Variants in WWOX observed in about 807,000 individuals in gnomAD.
WWOX encodes WW domain containing oxidoreductase.
In WWOX, 69 loss-of-function variants were observed where a neutral mutation model predicts 46.2. That is an observed-to-expected ratio of 1.49 (90% CI 1.23 to 1.82). The LOEUF (loss-of-function observed/expected upper bound fraction) is 1.82. Among genes scored for constraint, WWOX ranks in the 40% most tolerant of loss-of-function variants. The pLI is 0.00. For missense variants in WWOX, 919 were observed against 542.6 expected (o/e 1.69, Z -6.89); for synonymous variants, 359 against 202.6 (o/e 1.77, Z -6.56).
intron 8 of WWOX, among the ~76,000 whole-genome samples, chr16:79,195,221 T>C (rs1386175831): frequency 6.6e-6 from 1 of 152,040 alleles, no homozygotes; most frequent in African/African-American, 2.4e-5. Context: ...GAGATTGGCA[T>C]GTAGGAAGAT....
chr16:78,777,807 G>A (rs1466829877), intron 8 of WWOX, among the ~76,000 whole-genome samples: 1 of 152,058 alleles, frequency 6.6e-6, no homozygotes, highest in African/African-American at 2.4e-5. Context: ...AGCACTTTGG[G>A]AGGCCGGGGC....
At chr16:78,158,076 T>C (rs1447529099) in intron 4 of WWOX, among the ~76,000 whole-genome samples, 1 of 152,218 alleles carries the variant, frequency 6.6e-6, no homozygotes. Flanking sequence ...GCAACACAAG[T>C]GTGTCCAACT....
chr16:78,499,795 G>A (rs377519455), intron 8 of WWOX, among the ~76,000 whole-genome samples: 1 of 152,244 alleles, frequency 6.6e-6, no homozygotes, highest in South Asian at 2.1e-4. Flanking sequence ...GTAAGAAATC[G>A]AGGCCAAGGC....
At chr16:78,201,559 G>C (rs2036230048) in intron 5 of WWOX, among the ~76,000 whole-genome samples, 3 of 152,116 alleles carry the variant, frequency 2.0e-5, no homozygotes, top group African/African-American at 4.8e-5. Context: ...CTGGAAGAGA[G>C]TCCTACCTCA....
At chr16:78,897,082 G>GA (rs200661293) in intron 8 of WWOX, 47,268 of 138,684 alleles carry the variant, frequency 0.34, 7,946 homozygotes, top group African/African-American at 0.38. Context: ...ACAAAAAAAA[G>GA]AAAAAAAAAA....
chr16:78,802,152 G>A (rs1329558312), intron 8 of WWOX, among the ~76,000 whole-genome samples: 2 of 149,554 alleles, frequency 1.3e-5, no homozygotes, highest in Non-Finnish European at 3.0e-5. Context: ...GAAATATCCA[G>A]ATATATACAA....
intron 1 of WWOX, chr16:78,100,299 C>A: frequency 9.7e-7 from 1 of 1,035,434 alleles, no homozygotes; most frequent in Non-Finnish European, 1.2e-6. Context: ...GTCATCCAGG[C>A]TGGAGTGCAG....
rs867025328 is a variant in WWOX at position 79,032,646 on chromosome 16, C to T, written c.1057-178962C>T. Reference sequence around the variant, plus strand: ...AATTCATATAATATATGTAATAGAGCGTGTATATTATTTACATATGTATAT... The same window carrying T: ...AATTCATATAATATATGTAATAGAGTGTGTATATTATTTACATATGTATAT... On this transcript the variant is annotated intron_variant, in intron 8 of 8. Coordinates refer to ENST00000566780, the MANE Select transcript of WWOX (RefSeq NM_016373.4). Among the ~76,000 whole-genome samples, 11 of 142,014 alleles carry T rather than the reference C, an allele frequency of 7.7e-5. No individual in the cohort carries two copies. The South Asian group carries it at 8.8e-4, about 11-fold the overall frequency. The allele number at this position is 142,014 out of a possible 152,430, so 93.2% of individuals were successfully genotyped here. A position where few individuals can be genotyped will look rare whatever the true frequency, so the allele number is the denominator to read the frequency against.
At chr16:78,189,590 A>C (rs1469945914) in intron 5 of WWOX, among the ~76,000 whole-genome samples, 2 of 152,190 alleles carry the variant, frequency 1.3e-5, no homozygotes, top group Non-Finnish European at 2.9e-5. Context: ...TCAAGTAGTT[A>C]ACAGCCAGTG....
intron 5 of WWOX, among the ~76,000 whole-genome samples, chr16:78,321,003 A>C (rs943940462): frequency 2.0e-5 from 3 of 152,130 alleles, no homozygotes; most frequent in African/African-American, 7.2e-5. Flanking sequence ...TTCTATTTAT[A>C]ATGTACTCAC....
At chr16:78,361,986 A>ATTTTTTTTTTTTTTT (rs1567525098) in intron 5 of WWOX, among the ~76,000 whole-genome samples, 1 of 63,828 alleles carries the variant, frequency 1.6e-5, no homozygotes. Context: ...TTTTTTTTTG[A>ATTTTTTTTTTTTTTT]TTTATTAATA....
At chr16:78,980,969 A>G (rs1378109011) in intron 8 of WWOX, among the ~76,000 whole-genome samples, 1 of 152,178 alleles carries the variant, frequency 6.6e-6, no homozygotes, top group Non-Finnish European at 1.5e-5. Context: ...GGTTGGCCCC[A>G]CAGTTTAGTT....
chr16:78,949,365 G>A (rs1033355448), intron 8 of WWOX, among the ~76,000 whole-genome samples: 1 of 152,140 alleles, frequency 6.6e-6, no homozygotes, highest in African/African-American at 2.4e-5. Context: ...CTGATACACT[G>A]TCATGGGGCC....
chr16:78,247,226 C>T (rs1050794144), intron 5 of WWOX, among the ~76,000 whole-genome samples: 1 of 151,918 alleles, frequency 6.6e-6, no homozygotes, highest in African/African-American at 2.4e-5. Context: ...CCCCTGCCAG[C>T]AGGAGGAATC....
intron 8 of WWOX, among the ~76,000 whole-genome samples, chr16:78,928,857 A>C (rs1481428897): frequency 1.3e-5 from 2 of 152,198 alleles, no homozygotes; most frequent in Non-Finnish European, 2.9e-5. Flanking sequence ...GAGAATTATA[A>C]TGTGTTTTGA....
chr16:78,820,875 C>T (rs1056183982), intron 8 of WWOX, among the ~76,000 whole-genome samples: 1 of 152,126 alleles, frequency 6.6e-6, no homozygotes, highest in Non-Finnish European at 1.5e-5. Context: ...CTTGATGTCC[C>T]TTGGCTTGGA....
At chr16:79,145,626 G>A (rs1205340423) in intron 8 of WWOX, among the ~76,000 whole-genome samples, 7 of 151,958 alleles carry the variant, frequency 4.6e-5, no homozygotes, top group Admixed American at 3.3e-4. Context: ...AATACAGTAA[G>A]ACAAAAAAAG....
chr16:78,917,558 C>T (rs957593235), intron 8 of WWOX, among the ~76,000 whole-genome samples: 6 of 152,038 alleles, frequency 3.9e-5, no homozygotes, highest in Non-Finnish European at 7.4e-5. Flanking sequence ...TCCTAACCCC[C>T]AACCACTGTC....
intron 8 of WWOX, among the ~76,000 whole-genome samples, chr16:78,485,386 T>G (rs1888371948): frequency 1.3e-5 from 2 of 152,122 alleles, no homozygotes; most frequent in Non-Finnish European, 2.9e-5. Context: ...AACCCTGTTT[T>G]GGGTTTCTTT....
Sources: allele counts gnomAD v4.1 joint callset (sites outside exome capture counted in the v4.1 genomes callset), GRCh38; gene constraint gnomAD v4.1.1; transcripts MANE v1.5; gene names NCBI Gene and HGNC (gene_info 2026-07-23, HGNC 2026-07-21).